LMX1A: variants seen among roughly 807,000 people sequenced by gnomAD.
LMX1A encodes the protein LIM homeobox transcription factor 1 alpha.
In LMX1A, 15 loss-of-function variants were observed where a neutral mutation model predicts 49.1. The ratio of observed to expected loss-of-function variants is 0.31; its 90% CI spans 0.20 to 0.47. LMX1A has a LOEUF of 0.47. Ranked by LOEUF, LMX1A falls within the 20% of genes least tolerant of loss-of-function variation. LMX1A has a pLI of 1.00. For synonymous variants in LMX1A, 167 were observed against 185.7 expected, an observed-to-expected ratio of 0.90 and a Z score of 0.82; for missense variants, 372 against 475.8, an observed-to-expected ratio of 0.78 and a Z score of 2.03.
At chr1:165,343,651 C>T (rs1223772150) in intron 3 of LMX1A, among the ~76,000 whole-genome samples, 3 of 152,136 alleles carry the variant, frequency 2.0e-5, no homozygotes, top group Non-Finnish European at 2.9e-5. Context: ...ACCTGTCTAT[C>T]CCCTTCCAGC....
intron 3 of LMX1A, among the ~76,000 whole-genome samples, chr1:165,267,632 G>A (rs1015403753): frequency 6.6e-6 from 1 of 152,204 alleles, no homozygotes; most frequent in African/African-American, 2.4e-5. Context: ...CAGTGAGAAG[G>A]CTATTGAAAT....
At chr1:165,275,451 C>T (rs909299978) in intron 3 of LMX1A, among the ~76,000 whole-genome samples, 5 of 152,308 alleles carry the variant, frequency 3.3e-5, no homozygotes, top group African/African-American at 1.2e-4. Context: ...AAGGCTATCA[C>T]GCTAAATCCG....
At chr1:165,299,353 G>C (rs895564475) in intron 3 of LMX1A, among the ~76,000 whole-genome samples, 1 of 152,228 alleles carries the variant, frequency 6.6e-6, no homozygotes, top group South Asian at 2.1e-4. Context: ...CTGGATGGCT[G>C]TTTGGGGATC....
At chr1:165,270,142 G>A (rs1034503896) in intron 3 of LMX1A, among the ~76,000 whole-genome samples, 3 of 152,138 alleles carry the variant, frequency 2.0e-5, no homozygotes, top group Non-Finnish European at 4.4e-5. Context: ...TGGAGAAAAA[G>A]TACTGAGATG....
intron 3 of LMX1A, among the ~76,000 whole-genome samples, chr1:165,266,605 T>C (rs1557868085): frequency 1.5e-5 from 2 of 134,412 alleles, no homozygotes; most frequent in African/African-American, 5.6e-5. Context: ...CTTTTTTTTT[T>C]TTTTTTTTTT....
chr1:165,284,640 A>G (rs1468595104), intron 3 of LMX1A, among the ~76,000 whole-genome samples: 1 of 152,242 alleles, frequency 6.6e-6, no homozygotes, highest in Non-Finnish European at 1.5e-5. Context: ...ATATGCCCAC[A>G]GGGCCTTTTA....
intron 3 of LMX1A, among the ~76,000 whole-genome samples, chr1:165,290,944 C>T (rs928276611): frequency 2.0e-5 from 3 of 152,114 alleles, no homozygotes; most frequent in African/African-American, 4.8e-5. Flanking sequence ...TGGGAATGAA[C>T]TTTTTTATTT....
rs540440616 is a variant in LMX1A, at chr1:165,274,994, G to C, written c.264-25354C>G. Among the ~76,000 whole-genome samples the C allele has an allele frequency of 1.6e-4, 25 of 152,308 alleles. 1 individual carries two copies. The South Asian group carries it at 5.2e-3, about 32-fold the overall frequency. On this transcript the variant is annotated intron_variant, in intron 3 of 8. Coordinates refer to ENST00000342310, the MANE Select transcript of LMX1A (RefSeq NM_177398.4). ...TTTTCTTACCTGTTTGAGGGAATATGAGTTCTAGCATGATTTCATTTTGCC... is the reference window on the plus strand; with the variant it reads ...TTTTCTTACCTGTTTGAGGGAATATCAGTTCTAGCATGATTTCATTTTGCC...
intron 3 of LMX1A, among the ~76,000 whole-genome samples, chr1:165,307,334 G>A (rs1654945405): frequency 6.6e-6 from 1 of 152,180 alleles, no homozygotes; most frequent in African/African-American, 2.4e-5. Context: ...GTTCCAGAAA[G>A]GCTTAAAACT....
intron 3 of LMX1A, among the ~76,000 whole-genome samples, chr1:165,261,476 G>A (rs544786713): frequency 7.9e-5 from 12 of 152,190 alleles, no homozygotes; most frequent in African/African-American, 1.4e-4. Flanking sequence ...AATGCGGTAC[G>A]GAGTTTCCTC....
At position 165,272,642 on chromosome 1, in the gene LMX1A, G is replaced by T. The variant is rs1441207465; in HGVS notation, c.264-23002C>A. 2.0e-5 allele frequency among the ~76,000 whole-genome samples: 3 copies of T among 152,190 alleles called. No homozygotes were observed. In the South Asian group the frequency reaches 6.2e-4, roughly 31 times the overall value. ...TGATGTCAGGAAAGCATGGAAGGAA[G>T]AGGATGAACTGAAGTCAGCTGGCTG... On this transcript the variant is annotated intron_variant, in intron 3 of 8. Coordinates refer to ENST00000342310, the MANE Select transcript of LMX1A (RefSeq NM_177398.4).
At chr1:165,260,608 A>G (rs191429185) in intron 3 of LMX1A, among the ~76,000 whole-genome samples, 114 of 152,316 alleles carry the variant, frequency 7.5e-4, no homozygotes, top group African/African-American at 2.5e-3. Flanking sequence ...TAGGAACTAA[A>G]TTTATTCTGA....
At chr1:165,349,558 CCT>C (rs1379600843) in intron 3 of LMX1A, among the ~76,000 whole-genome samples, 11 of 152,176 alleles carry the variant, frequency 7.2e-5, no homozygotes, top group Non-Finnish European at 1.5e-4. Context: ...ACAATTATAG[CCT>C]TCAGTTCTTA....
At chr1:165,245,479 C>A (rs1454099870) in intron 4 of LMX1A, among the ~76,000 whole-genome samples, 1 of 152,042 alleles carries the variant, frequency 6.6e-6, no homozygotes, top group African/African-American at 2.4e-5. Flanking sequence ...TGTTCCTTGG[C>A]CTTATTTTTA....
chr1:165,273,230 T>C (rs1653860222), intron 3 of LMX1A, among the ~76,000 whole-genome samples: 1 of 152,206 alleles, frequency 6.6e-6, no homozygotes, highest in African/African-American at 2.4e-5. Flanking sequence ...GATGCCAGCA[T>C]AGTCAGTGAA....
chr1:165,325,433 A>ATATATGTATATG (rs33966384), intron 3 of LMX1A, among the ~76,000 whole-genome samples: 1 of 148,204 alleles, frequency 6.7e-6, no homozygotes, highest in Non-Finnish European at 1.5e-5. Context: ...ATTTAAAAAT[A>ATATATGTATATG]TATATGTATA....
chr1:165,281,257 A>C (rs1654139656), intron 3 of LMX1A, among the ~76,000 whole-genome samples: 1 of 152,184 alleles, frequency 6.6e-6, no homozygotes, highest in Admixed American at 6.5e-5. Flanking sequence ...AATTTCCAGG[A>C]CTACTTAGTT....
intron 4 of LMX1A, among the ~76,000 whole-genome samples, chr1:165,233,765 A>C (rs1427217110): frequency 6.6e-6 from 1 of 152,238 alleles, no homozygotes; most frequent in Non-Finnish European, 1.5e-5. Flanking sequence ...CTAGAATTTA[A>C]GCTGCCTGAT....
At chr1:165,306,197 T>C (rs1654915427) in intron 3 of LMX1A, among the ~76,000 whole-genome samples, 2 of 152,226 alleles carry the variant, frequency 1.3e-5, no homozygotes, top group Non-Finnish European at 2.9e-5. Context: ...CTCAGGTTAA[T>C]GGAAATTGTA....
Sources: gnomAD v4.1 joint callset for allele counts (sites outside exome capture counted in the v4.1 genomes callset) on GRCh38, gnomAD v4.1.1 for gene constraint, MANE v1.5 for transcripts, NCBI Gene and HGNC (gene_info 2026-07-23, HGNC 2026-07-21) for gene names.